The following DOCK3 variants were observed in gnomAD, a reference collection of about 807,000 sequenced individuals.
The protein encoded by DOCK3 is dedicator of cytokinesis 3, also known as dedicator of cytokinesis protein 3.
In DOCK3, 60 loss-of-function variants were observed where a neutral mutation model predicts 265.6. The observed-to-expected ratio is 0.23, with a 90% CI of 0.18 to 0.28. DOCK3 has a LOEUF of 0.28. Among genes scored for constraint, DOCK3 ranks in the 10% least tolerant of loss-of-function variants. DOCK3 has a pLI of 1.00. For missense variants in DOCK3, 1,981 were observed against 2,594.3 expected (o/e 0.76, Z 5.14); for synonymous variants, 881 against 938.0 (o/e 0.94, Z 1.11).
intron 9 of DOCK3, among the ~76,000 whole-genome samples, chr3:51,116,947 C>G (rs551358701): frequency 2.1e-4 from 32 of 152,246 alleles, no homozygotes; most frequent in African/African-American, 6.3e-4. Context: ...ATTAGAATAT[C>G]CTTTATTTGT....
chr3:51,254,206 G>C (rs1354058642), intron 22 of DOCK3, among the ~76,000 whole-genome samples: 1 of 152,168 alleles, frequency 6.6e-6, no homozygotes, highest in Non-Finnish European at 1.5e-5. Flanking sequence ...GTGAGTTCTA[G>C]TTTGATTGCA....
At chr3:51,080,486 G>A (rs2082190827) in intron 7 of DOCK3, among the ~76,000 whole-genome samples, 1 of 152,176 alleles carries the variant, frequency 6.6e-6, no homozygotes, top group African/African-American at 2.4e-5. Context: ...CACTGAAAAG[G>A]GAGGTATTGG....
intron 1 of DOCK3, among the ~76,000 whole-genome samples, chr3:50,677,772 A>G (rs535830642): frequency 6.6e-6 from 1 of 152,320 alleles, no homozygotes; most frequent in South Asian, 2.1e-4. Context: ...AGGCTTTGAG[A>G]TCCTGTAGTA....
At chr3:51,270,724 A>G in intron 23 of DOCK3, 91 bp from the exon 24 acceptor site, 1 of 1,356,000 alleles carries the variant, frequency 7.4e-7, no homozygotes, top group Non-Finnish European at 1.0e-6. Flanking sequence ...GTGCCTTCTC[A>G]GCCTCTCACC....
rs368819970 is a variant in DOCK3 at position 50,925,824 on chromosome 3, C to CTTTT, written c.219-8136_219-8133dup. On this transcript the variant is annotated intron_variant, in intron 4 of 52. Transcript: ENST00000266037. Reference sequence around the variant, plus strand: ...TCAGCAGCTACTAGGTAAAACTAGTCTTTTTTTTTTTTTTTTTTTTTTTTG... The same window carrying CTTTT: ...TCAGCAGCTACTAGGTAAAACTAGTCTTTTTTTTTTTTTTTTTTTTTTTTTTTTG... Among the ~76,000 whole-genome samples, 59 of 88,420 alleles carry CTTTT rather than the reference C, an allele frequency of 6.7e-4. 2 individuals carry two copies. Among genetic ancestry groups the CTTTT allele is most frequent in the African/African-American group, 1.8e-3 (34 of 19,400 alleles). The allele number at this position is 88,420 out of a possible 152,430, so 58.0% of individuals were successfully genotyped here.
chr3:50,994,420 T>A (rs1322313806), intron 5 of DOCK3, among the ~76,000 whole-genome samples: 2 of 152,194 alleles, frequency 1.3e-5, no homozygotes, highest in Admixed American at 1.3e-4. Context: ...TTAAGTACCT[T>A]ACCCATTCAC....
intron 25 of DOCK3, among the ~76,000 whole-genome samples, chr3:51,275,559 C>G (rs2080773199): frequency 6.6e-6 from 1 of 152,094 alleles, no homozygotes; most frequent in Non-Finnish European, 1.5e-5. Flanking sequence ...GGGAGGCAGA[C>G]CCAGACTTGA....
intron 12 of DOCK3, among the ~76,000 whole-genome samples, chr3:51,166,266 G>A (rs2086402193): frequency 1.3e-5 from 2 of 151,892 alleles, no homozygotes; most frequent in Admixed American, 1.3e-4. Context: ...GGCCAGGCTG[G>A]TCTCGAACTC....
chr3:51,249,161 G>GT (rs1553810549), intron 22 of DOCK3, among the ~76,000 whole-genome samples: 1 of 118,056 alleles, frequency 8.5e-6, no homozygotes, highest in African/African-American at 3.4e-5. Context: ...GGGGGGGTCA[G>GT]CCCCCCGCCA....
chr3:51,100,622 TTAAGTC>T (rs2083045076), intron 9 of DOCK3, among the ~76,000 whole-genome samples: 1 of 152,114 alleles, frequency 6.6e-6, no homozygotes. Flanking sequence ...AGATTATAGA[TTAAGTC>T]TAATCAAGTT....
At chr3:50,758,197 GAA>G (rs1010803092) in intron 1 of DOCK3, among the ~76,000 whole-genome samples, 11,590 of 50,508 alleles carry the variant, frequency 0.23, 879 homozygotes, top group Non-Finnish European at 0.3. Flanking sequence ...AAAAAAAAAA[GAA>G]AAAAAAAAAG....
At chr3:50,793,088 C>A (rs988092744) in intron 2 of DOCK3, among the ~76,000 whole-genome samples, 22 of 152,092 alleles carry the variant, frequency 1.4e-4, no homozygotes, top group Non-Finnish European at 2.5e-4. Context: ...TTTCAGAGCT[C>A]ATTATTGGTC....
intron 1 of DOCK3, among the ~76,000 whole-genome samples, chr3:50,687,384 G>C (rs1474827501): frequency 6.6e-6 from 1 of 152,194 alleles, no homozygotes; most frequent in Non-Finnish European, 1.5e-5. Flanking sequence ...ACACAAGTAA[G>C]CAGTTTGTGA....
intron 6 of DOCK3, among the ~76,000 whole-genome samples, chr3:51,068,144 A>G (rs140042369): frequency 2.6e-4 from 39 of 152,320 alleles, no homozygotes; most frequent in African/African-American, 9.1e-4. Context: ...TTCAGAATCT[A>G]TTTCAGAAAC....
At chr3:50,758,394 G>T (rs2040322846) in intron 1 of DOCK3, among the ~76,000 whole-genome samples, 1 of 151,322 alleles carries the variant, frequency 6.6e-6, no homozygotes, top group Middle Eastern at 3.2e-3. Flanking sequence ...AGATTGTTTT[G>T]GATATTCTGG....
At chr3:51,312,663 G>A (rs2083147666) in intron 30 of DOCK3, 87 bp downstream of exon 30, 2 of 1,359,384 alleles carry the variant, frequency 1.5e-6, no homozygotes, top group Admixed American at 2.5e-5. Context: ...GGTCCACAAG[G>A]TTCTCAGCTG....
chr3:51,027,399 T>G (rs1287045224), intron 5 of DOCK3, among the ~76,000 whole-genome samples: 1 of 152,140 alleles, frequency 6.6e-6, no homozygotes, highest in African/African-American at 2.4e-5. Flanking sequence ...GTATGTTCTA[T>G]GTATAGATGA....
intron 5 of DOCK3, among the ~76,000 whole-genome samples, chr3:51,027,099 A>G (rs777696707): frequency 2.6e-5 from 4 of 152,172 alleles, no homozygotes; most frequent in Non-Finnish European, 5.9e-5. Flanking sequence ...TTAGGAGTAT[A>G]AACTCCATTT....
rs1341627951 is a variant in DOCK3, at chr3:51,322,435, C to T, written c.3402+7307C>T. Among the ~76,000 whole-genome samples, 5 of 152,126 alleles carry T rather than the reference C, an allele frequency of 3.3e-5. No homozygotes were observed. In the South Asian group the frequency reaches 8.3e-4, roughly 25 times the overall value. On this transcript the variant is annotated intron_variant, in intron 32 of 52. Transcript: ENST00000266037. ...AGCCAGGATGGTCTCAATCTCCTGA[C>T]CTCATGATCTGCCCACCTCAGCCTC...
Sources: gnomAD v4.1 joint callset for allele counts (sites outside exome capture counted in the v4.1 genomes callset) on GRCh38, gnomAD v4.1.1 for gene constraint, MANE v1.5 for transcripts, NCBI Gene and HGNC (gene_info 2026-07-23, HGNC 2026-07-21) for gene names.